The following SLMAP variants were observed in gnomAD, a reference collection of about 807,000 sequenced individuals.
SLMAP encodes sarcolemmal membrane-associated protein.
Under a neutral mutation model 128.8 loss-of-function variants are expected in SLMAP, and 44 were observed. The ratio of observed to expected loss-of-function variants is 0.34; its 90% CI spans 0.27 to 0.44. SLMAP has a LOEUF of 0.44. Ranked by LOEUF, SLMAP falls within the 20% of genes least tolerant of loss-of-function variation. The pLI is 1.00. For synonymous variants in SLMAP, 327 were observed against 348.8 expected, an observed-to-expected ratio of 0.94 and a Z score of 0.70; for missense variants, 787 against 985.3, an observed-to-expected ratio of 0.80 and a Z score of 2.69.
At chr3:57,780,221 A>G (rs955876525) in intron 2 of SLMAP, among the ~76,000 whole-genome samples, 6 of 149,776 alleles carry the variant, frequency 4.0e-5, no homozygotes, top group Admixed American at 3.4e-4. Context: ...ATCACTGCTC[A>G]CTGCAGCCTT....
At chr3:57,895,636 A>G (rs1254193889) in intron 15 of SLMAP, among the ~76,000 whole-genome samples, 2 of 151,902 alleles carry the variant, frequency 1.3e-5, no homozygotes, top group East Asian at 3.9e-4. Flanking sequence ...GCCTGGCCCT[A>G]AACTTTTTAA....
intron 13 of SLMAP, 106 bp downstream of exon 13, chr3:57,865,398 T>A (rs2095270202): frequency 2.2e-6 from 1 of 456,064 alleles, no homozygotes; most frequent in Non-Finnish European, 3.8e-6. Flanking sequence ...AAAAGCATGC[T>A]CTCACAGATC....
chr3:57,916,006 A>G (rs1277433625), intron 21 of SLMAP, among the ~76,000 whole-genome samples: 1 of 152,066 alleles, frequency 6.6e-6, no homozygotes, highest in Non-Finnish European at 1.5e-5. Flanking sequence ...AAAATATAAA[A>G]TGAGCCAGGC....
intron 24 of SLMAP, among the ~76,000 whole-genome samples, chr3:57,926,902 T>C (rs994048798): frequency 6.6e-6 from 1 of 152,222 alleles, no homozygotes; most frequent in Non-Finnish European, 1.5e-5. Context: ...CTGGTTCTTA[T>C]CAAGAAATAA....
chr3:57,855,901 A>G (rs2094761085), intron 6 of SLMAP, among the ~76,000 whole-genome samples: 2 of 151,964 alleles, frequency 1.3e-5, no homozygotes, highest in South Asian at 4.2e-4. Context: ...AAAATGAGCC[A>G]GGCGTGGTGG....
chr3:57,906,560 G>C (rs1179071210), intron 17 of SLMAP, among the ~76,000 whole-genome samples: 1 of 147,882 alleles, frequency 6.8e-6, no homozygotes, highest in Non-Finnish European at 1.5e-5. Context: ...CAAGTGATCT[G>C]CCTGCCTCAG....
At chr3:57,825,160 C>T (rs1226653339) in intron 2 of SLMAP, among the ~76,000 whole-genome samples, 1 of 150,444 alleles carries the variant, frequency 6.6e-6, no homozygotes, top group Non-Finnish European at 1.5e-5. Context: ...ATGGGGTTTT[C>T]TATATATAGG....
At chr3:57,912,160 C>T (rs2096716579) in intron 19 of SLMAP, 2 of 447,238 alleles carry the variant, frequency 4.5e-6, no homozygotes, top group Non-Finnish European at 8.1e-6. Flanking sequence ...GAAGGAATAT[C>T]AGAAGTAATT....
chr3:57,915,320 A>G (rs1463920009), intron 21 of SLMAP, among the ~76,000 whole-genome samples: 1 of 152,228 alleles, frequency 6.6e-6, no homozygotes, highest in Non-Finnish European at 1.5e-5. Flanking sequence ...GTAGAAGCAC[A>G]TGGTTTAAAA....
At chr3:57,758,018 T>C (rs761211133) in intron 2 of SLMAP, among the ~76,000 whole-genome samples, 169 bp downstream of exon 2, 4 of 152,116 alleles carry the variant, frequency 2.6e-5, no homozygotes, top group African/African-American at 4.8e-5. Flanking sequence ...GAAATTTGAT[T>C]GAGGTGGTTG....
chr3:57,831,013 A>G (rs975449890), intron 2 of SLMAP, among the ~76,000 whole-genome samples: 1 of 152,142 alleles, frequency 6.6e-6, no homozygotes, highest in African/African-American at 2.4e-5. Context: ...CTTTTTGGCT[A>G]TTATGAATAA....
At chr3:57,758,549 G>T (rs2078021216) in intron 2 of SLMAP, among the ~76,000 whole-genome samples, 1 of 152,094 alleles carries the variant, frequency 6.6e-6, no homozygotes, top group African/African-American at 2.4e-5. Flanking sequence ...ACTTACAGAG[G>T]TGCTATTCAA....
At chr3:57,918,047 A>G (rs946738943) in intron 22 of SLMAP, 7 of 152,088 alleles carry the variant, frequency 4.6e-5, no homozygotes, top group African/African-American at 1.7e-4. Context: ...TTCTGTCTTC[A>G]TGTTTGTTCC....
At chr3:57,776,506 T>TTC (rs397932536) in intron 2 of SLMAP, among the ~76,000 whole-genome samples, 1,934 of 128,970 alleles carry the variant, frequency 0.015, 60 homozygotes, top group East Asian at 0.12. Context: ...GATTTGTCCC[T>TTC]TCTCTCTCTC....
chr3:57,896,768 A>G (rs901200846), intron 16 of SLMAP, 105 bp from the exon 17 acceptor site: 13 of 1,411,092 alleles, frequency 9.2e-6, no homozygotes, highest in Middle Eastern at 1.8e-4. Context: ...AACTACCCGA[A>G]TATAATAGCT....
chr3:57,908,129 T>G, intron 18 of SLMAP, 123 bp downstream of exon 18: 1 of 871,716 alleles, frequency 1.1e-6, no homozygotes, highest in South Asian at 1.8e-5. Context: ...ATATGTGATC[T>G]TGGTATATTT....
intron 2 of SLMAP, among the ~76,000 whole-genome samples, chr3:57,794,974 C>T (rs1019504271): frequency 4.6e-5 from 7 of 152,126 alleles, no homozygotes; most frequent in African/African-American, 7.2e-5. Flanking sequence ...ATGGTAACTC[C>T]GTGTTTAACA....
chr3:57,817,007 T>A (rs2091935215), intron 2 of SLMAP, among the ~76,000 whole-genome samples: 1 of 152,132 alleles, frequency 6.6e-6, no homozygotes, highest in Non-Finnish European at 1.5e-5. Context: ...TTAGATAGGG[T>A]GATTAGGGTC....
chr3:57,777,162 A>G (rs985994110), intron 2 of SLMAP, among the ~76,000 whole-genome samples: 5 of 151,812 alleles, frequency 3.3e-5, no homozygotes, highest in Non-Finnish European at 7.4e-5. Flanking sequence ...TGACGAGTTA[A>G]TGGGTGCAGC....
Sources: gnomAD v4.1 joint callset for allele counts (sites outside exome capture counted in the v4.1 genomes callset) on GRCh38, gnomAD v4.1.1 for gene constraint, MANE v1.5 for transcripts, NCBI Gene and HGNC (gene_info 2026-07-23, HGNC 2026-07-21) for gene names.